CNIH3: variants seen among roughly 807,000 people sequenced by gnomAD.
CNIH3 encodes the protein cornichon family AMPA receptor auxiliary protein 3.
In CNIH3, 14 loss-of-function variants were observed where a neutral mutation model predicts 24.1. The observed-to-expected ratio is 0.58, with a 90% CI of 0.38 to 0.91. The LOEUF is 0.91. CNIH3 is among the 40% of genes least tolerant of loss of function. CNIH3 has a pLI of 0.00. For synonymous variants in CNIH3, 68 were observed against 73.8 expected (o/e 0.92, Z 0.40); for missense variants, 178 against 196.8 (o/e 0.90, Z 0.57).
At chr1:224,498,720 C>T (rs1284416792) in intron 1 of CNIH3, among the ~76,000 whole-genome samples, 2 of 152,184 alleles carry the variant, frequency 1.3e-5, no homozygotes, top group Non-Finnish European at 2.9e-5. Flanking sequence ...TGCATCAGAA[C>T]ACGGGCAGCC....
intron 3 of CNIH3, among the ~76,000 whole-genome samples, chr1:224,696,990 A>G (rs1325332491): frequency 1.3e-5 from 2 of 152,236 alleles, no homozygotes; most frequent in Non-Finnish European, 1.5e-5. Flanking sequence ...TGCAACTGCT[A>G]CATTGCTTAG....
At chr1:224,646,734 G>A (rs991519193) in intron 1 of CNIH3, among the ~76,000 whole-genome samples, 11 of 152,122 alleles carry the variant, frequency 7.2e-5, no homozygotes, top group African/African-American at 2.7e-4. Flanking sequence ...AAAGGCAAAA[G>A]GGGACAAGGC....
chr1:224,595,547 C>T (rs555736427), intron 3 of CNIH3, among the ~76,000 whole-genome samples: 3 of 152,282 alleles, frequency 2.0e-5, no homozygotes, highest in South Asian at 4.1e-4. Flanking sequence ...ATTAATAACC[C>T]TACAATAGCC....
At chr1:224,512,344 T>C (rs147505761), upstream of CNIH3, among the ~76,000 whole-genome samples, 874 of 152,176 alleles carry the variant, frequency 5.7e-3, 5 homozygotes, top group Non-Finnish European at 8.1e-3. Flanking sequence ...TAGCGAGGCA[T>C]GGTGGTGCAC....
intron 1 of CNIH3, among the ~76,000 whole-genome samples, chr1:224,476,310 C>T (rs573016789): frequency 2.0e-5 from 3 of 152,274 alleles, no homozygotes; most frequent in African/African-American, 7.2e-5. Context: ...GCAGATAATA[C>T]ATCTAATATT....
At chr1:224,450,031 C>G (rs1675327983) in intron 1 of CNIH3, among the ~76,000 whole-genome samples, 1 of 152,188 alleles carries the variant, frequency 6.6e-6, no homozygotes, top group East Asian at 1.9e-4. Context: ...CACGCACACA[C>G]ATACATATAT....
upstream of CNIH3, chr1:224,615,090 A>G (rs1199946325): frequency 1.3e-5 from 2 of 152,152 alleles, no homozygotes; most frequent in African/African-American, 4.8e-5. Flanking sequence ...CTGTATCTCT[A>G]TCTTGCTGGA....
rs185678995 is a variant in CNIH3, at chr1:224,739,262, G to A, written c.456-67G>A. On this transcript the variant is annotated intron_variant, in intron 5 of 5. Transcript: ENST00000272133. ...GTCCCTCTCCTGAGGGGCAGCCTGA[G>A]TCCTCTGTGGGCTTCTACTAACACC... The A allele has an allele frequency of 1.2e-5, 19 of 1,552,428 alleles. No individual in the cohort carries two copies. In the East Asian group the frequency reaches 4.3e-4, roughly 35 times the overall value.
intron 4 of CNIH3, among the ~76,000 whole-genome samples, chr1:224,568,102 C>T (rs144067092): frequency 0.034 from 5,152 of 152,068 alleles, 223 homozygotes; most frequent in African/African-American, 0.1. Context: ...CCATCCTGGC[C>T]AACATGGTAA....
At chr1:224,725,029 T>C (rs1688943341) in intron 3 of CNIH3, among the ~76,000 whole-genome samples, 2 of 151,894 alleles carry the variant, frequency 1.3e-5, no homozygotes, top group African/African-American at 2.4e-5. Context: ...GTCAATATAG[T>C]GAAACCCCCA....
At chr1:224,606,874 T>C (rs1035894967) in intron 3 of CNIH3, among the ~76,000 whole-genome samples, 3 of 152,166 alleles carry the variant, frequency 2.0e-5, no homozygotes, top group African/African-American at 7.2e-5. Flanking sequence ...TTTGGTGCTA[T>C]GAAAGCCTCC....
At chr1:224,592,517 A>G (rs1404162632), downstream of CNIH3, among the ~76,000 whole-genome samples, 1 of 152,230 alleles carries the variant, frequency 6.6e-6, no homozygotes, top group African/African-American at 2.4e-5. Context: ...TGCCTGAAAC[A>G]GTAATGAAAA....
chr1:224,622,832 A>G (rs1683344399), intron 1 of CNIH3, among the ~76,000 whole-genome samples: 1 of 152,192 alleles, frequency 6.6e-6, no homozygotes, highest in South Asian at 2.1e-4. Flanking sequence ...TCCCTTCTGT[A>G]TATCCACATG....
At chr1:224,502,269 T>C (rs946358730) in intron 1 of CNIH3, among the ~76,000 whole-genome samples, 1 of 152,002 alleles carries the variant, frequency 6.6e-6, no homozygotes, top group Non-Finnish European at 1.5e-5. Context: ...ATAAGTGGTG[T>C]GAGTGAGATT....
chr1:224,601,535 A>G (rs1682210076), intron 3 of CNIH3, among the ~76,000 whole-genome samples: 1 of 152,078 alleles, frequency 6.6e-6, no homozygotes, highest in Admixed American at 6.5e-5. Context: ...ACCAGTTATT[A>G]TTTTAGAGAG....
intron 1 of CNIH3, among the ~76,000 whole-genome samples, chr1:224,494,282 A>T (rs1262134692): frequency 1.3e-5 from 2 of 152,182 alleles, no homozygotes; most frequent in South Asian, 2.1e-4. Flanking sequence ...TCAACGTGCT[A>T]TCTAGTCCAA....
chr1:224,505,032 C>CCCTTCCTT (rs1181782404), intron 1 of CNIH3, among the ~76,000 whole-genome samples: 4,799 of 45,592 alleles, frequency 0.11, 389 homozygotes, highest in South Asian at 0.18. Flanking sequence ...CTCCCTCCCT[C>CCCTTCCTT]CCTTCCTTCC....
intron 1 of CNIH3, among the ~76,000 whole-genome samples, chr1:224,641,787 A>G (rs1684373014): frequency 6.6e-6 from 1 of 152,022 alleles, no homozygotes; most frequent in Non-Finnish European, 1.5e-5. Flanking sequence ...ATTCCTTAGC[A>G]TCTGTGTCAT....
Position 224,616,884 on chromosome 1 carries a change from T to A in CNIH3, c.-291T>A. 7.9e-7 allele frequency: 1 copy of A among 1,263,278 alleles called. No individual in the cohort carries two copies. The highest frequency in any genetic ancestry group is 1.0e-6 in the Non-Finnish European group (1 of 1,004,224). 78.3% of individuals were successfully genotyped at this position (1,263,278 alleles called of 1,614,324 possible). A position where few individuals can be genotyped will look rare whatever the true frequency, so the allele number is the denominator to read the frequency against. ...CAGCTTGGCACTAATTTGCAGGTGT[T>A]CGCTGCTGATTTGGTTTCTTCTTCG... On this transcript the variant is annotated 5_prime_UTR_variant, in exon 1 of 6. Coordinates refer to ENST00000272133, the MANE Select transcript of CNIH3 (RefSeq NM_152495.2).
Sources: gnomAD v4.1 joint callset for allele counts (sites outside exome capture counted in the v4.1 genomes callset) on GRCh38, gnomAD v4.1.1 for gene constraint, MANE v1.5 for transcripts, NCBI Gene and HGNC (gene_info 2026-07-23, HGNC 2026-07-21) for gene names.